Variants in PREX1 observed in about 807,000 individuals in gnomAD.
PREX1 encodes phosphatidylinositol 3,4,5-trisphosphate-dependent Rac exchanger 1 protein.
In PREX1, 41 loss-of-function variants were observed where a neutral mutation model predicts 198.3. That is an observed-to-expected ratio of 0.21 (90% CI 0.16 to 0.27). The LOEUF (loss-of-function observed/expected upper bound fraction) is 0.27, where lower values mean the gene tolerates loss of function less well. Ranked by LOEUF, PREX1 falls within the 10% of genes least tolerant of loss-of-function variation. The pLI, the probability that PREX1 is intolerant of heterozygous loss-of-function variation, is 1.00. For missense variants in PREX1, 1,620 were observed against 2,200.7 expected, an observed-to-expected ratio of 0.74 and a Z score of 5.28; for synonymous variants, 843 against 887.2, an observed-to-expected ratio of 0.95 and a Z score of 0.89.
At chr20:48,846,522 C>T in the PREX1 span, among the ~76,000 whole-genome samples, 1 of 152,098 alleles carries the variant, frequency 6.6e-6, no homozygotes, top group African/African-American at 2.4e-5. Flanking sequence ...GAAAACAGCC[C>T]GACCCTCCTA....
chr20:48,714,145 C>G (rs2089950845), intron 5 of PREX1, among the ~76,000 whole-genome samples: 1 of 152,140 alleles, frequency 6.6e-6, no homozygotes, highest in South Asian at 2.1e-4. Context: ...AGAGAAAACA[C>G]AGGAGTAAAC....
the PREX1 span, among the ~76,000 whole-genome samples, chr20:48,875,164 G>A: frequency 6.6e-6 from 1 of 152,204 alleles, no homozygotes; most frequent in African/African-American, 2.4e-5. Context: ...ATGAGTGTGC[G>A]CTCAGGGGGC....
At chr20:48,777,164 G>A (rs1301568958) in intron 1 of PREX1, among the ~76,000 whole-genome samples, 2 of 152,146 alleles carry the variant, frequency 1.3e-5, no homozygotes. Flanking sequence ...CACTGGGAAG[G>A]GGGAAGTACA....
At chr20:48,728,544 G>C (rs1486509925) in intron 4 of PREX1, among the ~76,000 whole-genome samples, 1 of 152,238 alleles carries the variant, frequency 6.6e-6, no homozygotes, top group Non-Finnish European at 1.5e-5. Flanking sequence ...ACAGATGGGG[G>C]ATTGAGGCTG....
At chr20:48,761,192 G>T (rs1036734659) in intron 1 of PREX1, among the ~76,000 whole-genome samples, 3 of 152,214 alleles carry the variant, frequency 2.0e-5, no homozygotes, top group African/African-American at 7.2e-5. Flanking sequence ...CGGGGCAAAG[G>T]CCCCGAGGCA....
intron 5 of PREX1, among the ~76,000 whole-genome samples, chr20:48,710,553 C>G (rs1469481819): frequency 1.3e-5 from 2 of 152,210 alleles, no homozygotes; most frequent in African/African-American, 4.8e-5. Flanking sequence ...GACCGTTTGT[C>G]CAAGGTCACA....
chr20:48,661,446 T>A (rs376510185), intron 15 of PREX1, among the ~76,000 whole-genome samples: 3,250 of 39,258 alleles, frequency 0.083, 110 homozygotes, highest in Non-Finnish European at 0.095. Context: ...AAAAAAAAAA[T>A]ATATATATAT....
At chr20:48,658,012 G>T in intron 17 of PREX1, 124 bp downstream of exon 17, 2 of 944,372 alleles carry the variant, frequency 2.1e-6, no homozygotes, top group Non-Finnish European at 3.2e-6. Context: ...CGTGAGCAAT[G>T]AGAGAAGAGG....
chr20:48,681,026 GC>G (rs1288589234), intron 11 of PREX1, among the ~76,000 whole-genome samples: 1 of 152,132 alleles, frequency 6.6e-6, no homozygotes, highest in East Asian at 1.9e-4. Flanking sequence ...CTACTCCCCT[GC>G]CCCCAGGTTT....
At chr20:48,627,486 A>G in intron 39 of PREX1, 62 bp downstream of exon 39, 1 of 1,575,264 alleles carries the variant, frequency 6.3e-7, no homozygotes, top group Non-Finnish European at 8.7e-7. Context: ...CATGATGCCA[A>G]AGCCAGGCCT....
chr20:48,749,931 A>C (rs1276293154), intron 1 of PREX1, among the ~76,000 whole-genome samples: 2 of 150,996 alleles, frequency 1.3e-5, no homozygotes, highest in African/African-American at 4.9e-5. Flanking sequence ...CCCCATGTTT[A>C]TATCCCCAGC....
the PREX1 span, among the ~76,000 whole-genome samples, chr20:48,865,799 C>G: frequency 6.6e-6 from 1 of 152,260 alleles, no homozygotes; most frequent in African/African-American, 2.4e-5. Flanking sequence ...CAATAAGGAA[C>G]AGCTGTATAA....
intron 39 of PREX1, among the ~76,000 whole-genome samples, chr20:48,626,636 G>A (rs554349266): frequency 1.3e-5 from 2 of 152,314 alleles, no homozygotes; most frequent in East Asian, 1.9e-4. Context: ...CGTGCCACTC[G>A]TGAGACACAA....
At position 48,636,347 on chromosome 20, in the gene PREX1, C is replaced by A. The variant is rs1426685510; in HGVS notation, c.4167+116G>T. On this transcript the variant is annotated intron_variant, in intron 32 of 39. Transcript: ENST00000371941. The stretch of plus-strand genomic sequence containing the variant: ...ACAGGTGCTCAACAAATAGCTGCTG[C>A]GGGAATGACGAGGCCAGGGGGAGCC... The A allele has an allele frequency of 3.8e-6, 4 of 1,065,114 alleles. No homozygotes were observed. The East Asian group carries it at 1.0e-4, about 28-fold the overall frequency. 66.0% of individuals were successfully genotyped at this position (1,065,114 alleles called of 1,614,324 possible). A position where few individuals can be genotyped will look rare whatever the true frequency, so the allele number is the denominator to read the frequency against.
At chr20:48,828,644 G>A (rs953345983), upstream of PREX1, among the ~76,000 whole-genome samples, 1 of 152,220 alleles carries the variant, frequency 6.6e-6, no homozygotes, top group African/African-American at 2.4e-5. Context: ...GCGCGCGCTC[G>A]CTCTCACTTT....
chr20:48,681,301 T>C lies in PREX1; in HGVS notation c.1369A>G (p.Ile457Val). The change falls in exon 11 of 40, where the codon ATC becomes GTC. Residue 457 changes from isoleucine (I) to valine (V), a missense_variant. By Grantham distance (29) the Ile-to-Val change is conservative (BLOSUM62 3). Transcript: ENST00000371941. Reference protein sequence around the residue: ...FVAWLLEIGEISKTEEGVNLG... With the variant: ...FVAWLLEIGEVSKTEEGVNLG... ...TTGACTCCTTCTTCCGTCTTGCTGA[T>C]TTCACCAATTTCTAGGAGCCAGGCA... The C allele has an allele frequency of 6.2e-7, 1 of 1,614,196 alleles. No homozygotes were observed. Among genetic ancestry groups the C allele is most frequent in the African/African-American group, 1.3e-5 (1 of 75,056 alleles).
chr20:48,809,258 G>A (rs1329504586), intron 1 of PREX1, among the ~76,000 whole-genome samples: 1 of 152,226 alleles, frequency 6.6e-6, no homozygotes, highest in Non-Finnish European at 1.5e-5. Context: ...CTGCAAGCAG[G>A]CCATGGGCCA....
chr20:48,700,659 G>A (rs547880955), intron 7 of PREX1, 94 bp downstream of exon 7: 6 of 1,515,798 alleles, frequency 4.0e-6, no homozygotes, highest in East Asian at 4.5e-5. Flanking sequence ...TCAACTCACA[G>A]GAAAGGGAGG....
At chr20:48,795,521 A>T (rs1311291218) in intron 1 of PREX1, among the ~76,000 whole-genome samples, 4 of 151,726 alleles carry the variant, frequency 2.6e-5, no homozygotes, top group African/African-American at 9.7e-5. Flanking sequence ...GGACGCTCCT[A>T]AACATTCTAC....
Sources: gnomAD v4.1 joint callset for allele counts (sites outside exome capture counted in the v4.1 genomes callset) on GRCh38, gnomAD v4.1.1 for gene constraint, MANE v1.5 for transcripts, NCBI Gene and HGNC (gene_info 2026-07-23, HGNC 2026-07-21) for gene names.